Variants in MALRD1 observed in about 807,000 individuals in gnomAD.
The protein encoded by MALRD1 is MAM and LDL receptor class A domain containing 1.
A neutral mutation model predicts 242.1 loss-of-function variants in MALRD1; 247 were observed. That is an observed-to-expected ratio of 1.02 (90% CI 0.92 to 1.13). The LOEUF is 1.13. Among genes scored for constraint, MALRD1 ranks in the 50% most tolerant of loss-of-function variants. The pLI, the probability that MALRD1 is intolerant of heterozygous loss-of-function variation, is 0.00. For synonymous variants in MALRD1, 995 were observed against 866.6 expected, an observed-to-expected ratio of 1.15 and a Z score of -2.60; for missense variants, 2,989 against 2,533.1, an observed-to-expected ratio of 1.18 and a Z score of -3.86.
intron 28 of MALRD1, among the ~76,000 whole-genome samples, chr10:19,430,748 G>C (rs773611855): frequency 4.6e-5 from 7 of 152,114 alleles, no homozygotes; most frequent in Admixed American, 1.3e-4. Context: ...GATTGTATCT[G>C]TGCAGGTTTC....
chr10:19,225,795 G>A (rs1295392428), intron 18 of MALRD1, among the ~76,000 whole-genome samples: 6 of 152,178 alleles, frequency 3.9e-5, no homozygotes, highest in Non-Finnish European at 7.4e-5. Flanking sequence ...ATCATGTGCA[G>A]TACTTAACTA....
At chr10:19,453,226 T>G (rs1835424947) in intron 29 of MALRD1, among the ~76,000 whole-genome samples, 1 of 152,124 alleles carries the variant, frequency 6.6e-6, no homozygotes, top group African/African-American at 2.4e-5. Flanking sequence ...AAAAAATGAC[T>G]GAATGTTTAT....
intron 28 of MALRD1, among the ~76,000 whole-genome samples, chr10:19,427,189 C>T (rs923582767): frequency 6.6e-6 from 1 of 152,044 alleles, no homozygotes; most frequent in South Asian, 2.1e-4. Context: ...CATCCTTGTT[C>T]TTTGTAAATG....
intron 36 of MALRD1, among the ~76,000 whole-genome samples, chr10:19,652,338 G>A (rs1273644295): frequency 6.6e-6 from 1 of 152,182 alleles, no homozygotes; most frequent in Non-Finnish European, 1.5e-5. Context: ...TGAGAAGAAA[G>A]AGCCAAATGT....
At chr10:19,700,552 A>T (rs928123702) in intron 38 of MALRD1, among the ~76,000 whole-genome samples, 6 of 152,190 alleles carry the variant, frequency 3.9e-5, no homozygotes, top group Non-Finnish European at 8.8e-5. Context: ...ATATTTTTAA[A>T]CTACCTTGTT....
chr10:19,683,499 C>G lies in MALRD1; in HGVS notation c.6138-8783C>G, dbSNP rs76099672. Among the ~76,000 whole-genome samples, 972 of 152,292 alleles carry G rather than the reference C, an allele frequency of 6.4e-3. 6 individuals carry two copies. Among genetic ancestry groups the G allele is most frequent in the African/African-American group, 0.02 (834 of 41,574 alleles). On this transcript the variant is annotated intron_variant, in intron 36 of 39. Transcript: ENST00000454679. ...TAAATAGGAAACTGAATCTGCCTGA[C>G]TCTCCCAAAGCCACATAGCTAGAAA... is the stretch of plus-strand genomic sequence containing the variant.
At chr10:19,522,090 A>T (rs940463011) in intron 31 of MALRD1, among the ~76,000 whole-genome samples, 1 of 151,320 alleles carries the variant, frequency 6.6e-6, no homozygotes. Context: ...CGCAAGATTA[A>T]TATTTATAAT....
chr10:19,411,506 G>A (rs1833275056), intron 28 of MALRD1, among the ~76,000 whole-genome samples: 1 of 152,110 alleles, frequency 6.6e-6, no homozygotes, highest in African/African-American at 2.4e-5. Context: ...TATTTAATGT[G>A]CATAATAAGT....
chr10:19,583,540 A>G (rs1490974547), intron 33 of MALRD1, among the ~76,000 whole-genome samples: 1 of 151,246 alleles, frequency 6.6e-6, no homozygotes, highest in African/African-American at 2.4e-5. Context: ...TGATTTGCGT[A>G]TATTGAACCA....
At chr10:19,626,112 A>G (rs572119437) in intron 36 of MALRD1, among the ~76,000 whole-genome samples, 1 of 152,234 alleles carries the variant, frequency 6.6e-6, no homozygotes, top group South Asian at 2.1e-4. Flanking sequence ...AATCTAACTT[A>G]TGGAAAAGAC....
intron 25 of MALRD1, among the ~76,000 whole-genome samples, chr10:19,351,399 T>G (rs1394933774): frequency 1.3e-5 from 2 of 152,178 alleles, no homozygotes; most frequent in Non-Finnish European, 2.9e-5. Flanking sequence ...TAATTTTTAC[T>G]CAAAGAAAAG....
chr10:19,692,575 C>T lies in MALRD1; in HGVS notation c.6314+21C>T, dbSNP rs1036397372. ...ATAAGGTAAGTGATGCCTTTAGTTG[C>T]TAAATGAAATATACCGTAGCAGAAA... On this transcript the variant is annotated intron_variant, in intron 38 of 39. Coordinates refer to ENST00000454679, the MANE Select transcript of MALRD1 (RefSeq NM_001142308.3). 2.6e-6 allele frequency: 4 copies of T among 1,512,080 alleles called. No individual in the cohort carries two copies. The African/African-American group carries it at 4.1e-5, about 16-fold the overall frequency. The allele number at this position is 1,512,080 out of a possible 1,614,324, so 93.7% of individuals were successfully genotyped here.
intron 21 of MALRD1, among the ~76,000 whole-genome samples, chr10:19,302,453 T>TA (rs1286756919): frequency 4.0e-5 from 6 of 151,854 alleles, no homozygotes; most frequent in Admixed American, 2.0e-4. Context: ...TATTCAGCTG[T>TA]AAAATGGAAT....
chr10:19,673,062 A>G (rs546848167), intron 36 of MALRD1, among the ~76,000 whole-genome samples: 9 of 152,162 alleles, frequency 5.9e-5, no homozygotes, highest in African/African-American at 2.2e-4. Context: ...CTTCTCTCCC[A>G]CAAGGTCCTC....
At chr10:19,469,013 T>C (rs1411815569) in intron 29 of MALRD1, among the ~76,000 whole-genome samples, 1 of 152,090 alleles carries the variant, frequency 6.6e-6, no homozygotes, top group Non-Finnish European at 1.5e-5. Flanking sequence ...TGGCTACATA[T>C]AAAAATCTTT....
chr10:19,210,516 C>T (rs1195682443), intron 18 of MALRD1, among the ~76,000 whole-genome samples: 1 of 152,140 alleles, frequency 6.6e-6, no homozygotes, highest in African/African-American at 2.4e-5. Context: ...TTCTTTCATC[C>T]TGTAGTCAAA....
At chr10:19,621,612 T>C (rs553883422) in intron 36 of MALRD1, among the ~76,000 whole-genome samples, 1 of 151,722 alleles carries the variant, frequency 6.6e-6, no homozygotes, top group Non-Finnish European at 1.5e-5. Context: ...ATGCATATGA[T>C]TGGAGTCCCT....
intron 18 of MALRD1, among the ~76,000 whole-genome samples, chr10:19,239,183 T>G (rs1588758069): frequency 6.6e-6 from 1 of 151,912 alleles, no homozygotes; most frequent in Non-Finnish European, 1.5e-5. Context: ...CTCAGCCTGC[T>G]GAGTAGCTGG....
intron 33 of MALRD1, among the ~76,000 whole-genome samples, chr10:19,579,604 G>A (rs927738149): frequency 3.3e-5 from 5 of 152,108 alleles, no homozygotes; most frequent in African/African-American, 1.2e-4. Context: ...AGCTAGCCAA[G>A]AATATAATGC....
Sources: allele counts gnomAD v4.1 joint callset (sites outside exome capture counted in the v4.1 genomes callset), GRCh38; gene constraint gnomAD v4.1.1; transcripts MANE v1.5; gene names NCBI Gene and HGNC (gene_info 2026-07-23, HGNC 2026-07-21).